Variants in BAIAP2L2 observed in about 807,000 individuals in gnomAD.
BAIAP2L2 encodes BAR/IMD domain-containing adapter protein 2-like 2.
In BAIAP2L2, 65 loss-of-function variants were observed where a neutral mutation model predicts 60.4. The observed-to-expected ratio is 1.08, with a 90% CI of 0.88 to 1.32. The LOEUF (loss-of-function observed/expected upper bound fraction) is 1.32, where lower values mean the gene tolerates loss of function less well. Ranked by LOEUF, BAIAP2L2 falls within the 40% of genes most tolerant of loss-of-function variation. BAIAP2L2 has a pLI of 0.00. For synonymous variants in BAIAP2L2, 344 were observed against 301.7 expected (o/e 1.14, Z -1.45); for missense variants, 836 against 741.2 (o/e 1.13, Z -1.48).
rs2086203424 is a variant in BAIAP2L2, at chr22:38,089,186, C to G, written c.811G>C (p.Gly271Arg). 1 of 1,249,940 alleles carries G rather than the reference C, an allele frequency of 8.0e-7. No individual in the cohort carries two copies. The highest frequency in any genetic ancestry group is 1.0e-6 in the Non-Finnish European group (1 of 995,882). The allele number at this position is 1,249,940 out of a possible 1,614,324, so 77.4% of individuals were successfully genotyped here. A position where few individuals can be genotyped will look rare whatever the true frequency, so the allele number is the denominator to read the frequency against. ...GEFSSPRSRH[G>R]SGSYGTEPDA... is the part of the protein sequence containing the mutation. The stretch of plus-strand genomic sequence containing the variant: ...GGCTCGGTGCCGTAGGAGCCGGAGC[C>G]GTGCCGGCTGCGGGGGGAGCTGAAC... The change falls in exon 9 of 14, where the codon GGC (glycine) becomes CGC (arginine). Residue 271 changes from glycine (G) to arginine (R), a missense_variant. Transcript: ENST00000381669.
rs76644519 is a variant in BAIAP2L2, at chr22:38,100,889, C to T, written c.277-2407G>A. On this transcript the variant is annotated intron_variant, in intron 4 of 13. Transcript: ENST00000381669. ...AAAGAATATACAGGGCACAGTTCCACTCAAACGAAGCACTAGAACAGGCAA... is the reference window on the plus strand; with the variant it reads ...AAAGAATATACAGGGCACAGTTCCATTCAAACGAAGCACTAGAACAGGCAA... Among the ~76,000 whole-genome samples the T allele has an allele frequency of 0.011, 1,607 of 152,270 alleles. 35 individuals carry two copies. The East Asian group carries it at 0.11, about 10-fold the overall frequency.
chr22:38,107,986 G>A, intron 3 of BAIAP2L2, 73 bp from the exon 4 acceptor site: 1 of 1,506,678 alleles, frequency 6.6e-7, no homozygotes, highest in Non-Finnish European at 9.2e-7. Flanking sequence ...CTCTTCCGCT[G>A]AAAGCCAACA....
intron 4 of BAIAP2L2, among the ~76,000 whole-genome samples, chr22:38,104,457 A>T (rs1262529963): frequency 6.6e-6 from 1 of 150,910 alleles, no homozygotes; most frequent in Non-Finnish European, 1.5e-5. Context: ...AAAGAAACAG[A>T]CGGAAGGGGA....
intron 4 of BAIAP2L2, 56 bp from the exon 5 acceptor site, chr22:38,098,538 A>G: frequency 1.4e-6 from 2 of 1,469,768 alleles, no homozygotes; most frequent in Non-Finnish European, 1.9e-6. Context: ...CCCAGGCCCC[A>G]GCACCCCCTT....
rs1366932044 is a variant in BAIAP2L2 at position 38,110,470 on chromosome 22, C to T, written c.51+5G>A. ...CAGGCCTGGCTTGGCCACCCATGTG[C>T]TCACCTTGTAGATGGCCATGGTGGA... On this transcript the variant is annotated splice_donor_5th_base_variant and intron_variant, in intron 1 of 13. Coordinates refer to ENST00000381669, the MANE Select transcript of BAIAP2L2 (RefSeq NM_025045.6). 2.5e-6 allele frequency: 4 copies of T among 1,611,884 alleles called. No individual in the cohort carries two copies. The highest frequency in any genetic ancestry group is 3.3e-5 in the Admixed American group (2 of 59,850).
Position 38,085,007 on chromosome 22 carries a change from G to C in BAIAP2L2, c.*293C>G. On this transcript the variant is annotated 3_prime_UTR_variant, in exon 14 of 14. Transcript: ENST00000381669. ...GGCTCCTCCCCACGGGGGCAGAAAA[G>C]GGGGAAAGAGGTTAGGGGGCAAGAG... is the stretch of plus-strand genomic sequence containing the variant. The C allele has an allele frequency of 3.1e-6, 1 of 319,510 alleles. No individual in the cohort carries two copies. The highest frequency in any genetic ancestry group is 6.1e-5 in the East Asian group (1 of 16,266). 19.8% of individuals were successfully genotyped at this position (319,510 alleles called of 1,614,324 possible). A position where few individuals can be genotyped will look rare whatever the true frequency, so the allele number is the denominator to read the frequency against.
rs934727841 is a variant in BAIAP2L2 at position 38,098,255 on chromosome 22, G to A, written c.349-76C>T. On this transcript the variant is annotated intron_variant, in intron 5 of 13. Coordinates refer to ENST00000381669, the MANE Select transcript of BAIAP2L2 (RefSeq NM_025045.6). ...CAAGACACCCCTCCCAGAGATCAGG[G>A]CCCTGGAAGTTTGGAGACTTGGGGC... is the stretch of plus-strand genomic sequence containing the variant. 2.9e-5 allele frequency: 45 copies of A among 1,535,872 alleles called. No individual in the cohort carries two copies. The African/African-American group carries it at 5.7e-4, about 20-fold the overall frequency.
At chr22:38,087,813 A>C (rs2086142968) in intron 10 of BAIAP2L2, among the ~76,000 whole-genome samples, 1 of 132,104 alleles carries the variant, frequency 7.6e-6, no homozygotes, top group African/African-American at 2.9e-5. Flanking sequence ...CTCACCACTC[A>C]CACCTCTCCA....
At chr22:38,101,371 T>TAA (rs529893934) in intron 4 of BAIAP2L2, among the ~76,000 whole-genome samples, 4,222 of 80,250 alleles carry the variant, frequency 0.053, 574 homozygotes, top group Non-Finnish European at 0.064. Flanking sequence ...TGTCTCTACA[T>TAA]AAAAAAAAAA....
At chr22:38,097,420 GC>G in intron 6 of BAIAP2L2, among the ~76,000 whole-genome samples, 1 of 152,358 alleles carries the variant, frequency 6.6e-6, no homozygotes, top group Non-Finnish European at 1.5e-5. Context: ...TGCTGTCTGA[GC>G]CTTCGCTCTG....
At chr22:38,107,371 G>C (rs1031656096) in intron 4 of BAIAP2L2, among the ~76,000 whole-genome samples, 6 of 152,174 alleles carry the variant, frequency 3.9e-5, no homozygotes, top group Non-Finnish European at 8.8e-5. Flanking sequence ...CTCTTCCGGG[G>C]GGCTGGGCTG....
chr22:38,098,078 GTTC>G lies in BAIAP2L2; in HGVS notation c.447_449del (p.Lys149del), dbSNP rs765749399. The G allele has an allele frequency of 7.0e-7, 1 of 1,420,856 alleles. No homozygotes were observed. The highest frequency in any genetic ancestry group is 1.9e-5 in the Admixed American group (1 of 53,770). The allele number at this position is 1,420,856 out of a possible 1,614,324, so 88.0% of individuals were successfully genotyped here. On this transcript the variant is annotated inframe_deletion, in exon 6 of 14. Coordinates refer to ENST00000381669, the MANE Select transcript of BAIAP2L2 (RefSeq NM_025045.6). ...GCCCTCGCACCTTCATCTCCCGCAC[GTTC>G]TTGTCTCTCTTGCGCTCCATGCGCC...
At chr22:38,089,863 C>T (rs1198699613) in intron 7 of BAIAP2L2, among the ~76,000 whole-genome samples, 189 bp from the exon 8 acceptor site, 2 of 152,132 alleles carry the variant, frequency 1.3e-5, no homozygotes, top group African/African-American at 4.8e-5. Flanking sequence ...AAAGGCACCT[C>T]CATTTTCCAC....
chr22:38,088,651 G>C (rs2086173326), intron 10 of BAIAP2L2, 97 bp downstream of exon 10: 2 of 1,265,334 alleles, frequency 1.6e-6, no homozygotes, highest in Admixed American at 5.5e-5. Flanking sequence ...GCCCCCGGGG[G>C]AGGCCAGGGA....
intron 4 of BAIAP2L2, among the ~76,000 whole-genome samples, chr22:38,101,366 C>G (rs71317084): frequency 5.4e-5 from 5 of 93,142 alleles, no homozygotes; most frequent in Non-Finnish European, 9.8e-5. Context: ...GATGCTGTCT[C>G]TACATAAAAA....
At chr22:38,107,567 C>G (rs2086689427) in intron 4 of BAIAP2L2, among the ~76,000 whole-genome samples, 1 of 152,164 alleles carries the variant, frequency 6.6e-6, no homozygotes, top group Admixed American at 6.5e-5. Flanking sequence ...AAGGACCTTT[C>G]TCTTCCTTGG....
chr22:38,098,150 G>A lies in BAIAP2L2; in HGVS notation c.378C>T (p.Tyr126=). ...TCTCCAGGTTGGCCGCTCGGTGGCG[G>A]TACTCGAGCTCATAGTGCTGGCGGC... is the stretch of plus-strand genomic sequence containing the variant. ...KDSRQHYELE[Y]RHRAANLEKC... The change falls in exon 6 of 14, where the codon TAC becomes TAT. Residue 126 remains tyrosine (Y), a synonymous_variant. Transcript: ENST00000381669. 1.9e-6 allele frequency: 3 copies of A among 1,614,114 alleles called. No individual in the cohort carries two copies. In the South Asian group the frequency reaches 3.3e-5, roughly 18 times the overall value.
At chr22:38,086,146 T>A (rs979925411) in intron 12 of BAIAP2L2, 96 bp downstream of exon 12, 2 of 1,349,206 alleles carry the variant, frequency 1.5e-6, no homozygotes, top group Non-Finnish European at 1.0e-6. Context: ...GGTAGGCGGG[T>A]CCCCTGCCAG....
Position 38,107,883 on chromosome 22 carries a change from T to G in BAIAP2L2, c.245A>C (p.Gln82Pro). 1 of 1,613,554 alleles carries G rather than the reference T, an allele frequency of 6.2e-7. No individual in the cohort carries two copies. The highest frequency in any genetic ancestry group is 1.1e-5 in the South Asian group (1 of 91,086). ...CTCCAGGTCAGAGTTCAAGTGCCGC[T>G]GGGTGTCAGACATCTGCACCAAGAT... The part of the protein sequence containing the change: ...GEILVQMSDT[Q>P]RHLNSDLEVV... Residue 82 changes from glutamine (Q) to proline (P), a missense_variant, in exon 4 of 14, where the codon CAG becomes CCG. Coordinates refer to ENST00000381669, the MANE Select transcript of BAIAP2L2 (RefSeq NM_025045.6).
Sources: allele counts gnomAD v4.1 joint callset (sites outside exome capture counted in the v4.1 genomes callset), GRCh38; gene constraint gnomAD v4.1.1; transcripts MANE v1.5; gene names NCBI Gene and HGNC (gene_info 2026-07-23, HGNC 2026-07-21).